The following PLPPR5 variants were observed in gnomAD, a reference collection of about 807,000 sequenced individuals.
PLPPR5 encodes phospholipid phosphatase-related protein type 5.
In PLPPR5, 16 loss-of-function variants were observed where a neutral mutation model predicts 33.9. The observed-to-expected ratio is 0.47, with a 90% CI of 0.32 to 0.72. The LOEUF (loss-of-function observed/expected upper bound fraction) is 0.72. PLPPR5 is among the 30% of genes least tolerant of loss of function. The pLI, the probability that PLPPR5 is intolerant of heterozygous loss-of-function variation, is 0.03. For missense variants in PLPPR5, 301 were observed against 406.7 expected (o/e 0.74, Z 2.23); for synonymous variants, 163 against 150.3 (o/e 1.08, Z -0.62).
chr1:99,003,449 C>G (rs546955448), intron 1 of PLPPR5, among the ~76,000 whole-genome samples: 14 of 151,916 alleles, frequency 9.2e-5, no homozygotes, highest in Non-Finnish European at 1.6e-4. Flanking sequence ...AGAGAGAGCG[C>G]GCATCACAGG....
intron 4 of PLPPR5, among the ~76,000 whole-genome samples, chr1:98,919,176 A>G (rs1226921214): frequency 6.6e-6 from 1 of 152,222 alleles, no homozygotes; most frequent in Non-Finnish European, 1.5e-5. Context: ...TATTTTAGTA[A>G]GAAGCAATAA....
At chr1:98,907,389 G>A (rs1449530977) in intron 5 of PLPPR5, among the ~76,000 whole-genome samples, 4 of 151,508 alleles carry the variant, frequency 2.6e-5, no homozygotes, top group African/African-American at 7.3e-5. Flanking sequence ...TTTAGTAGAG[G>A]CGGGGTTTTG....
intron 3 of PLPPR5, among the ~76,000 whole-genome samples, chr1:98,942,337 C>T (rs1466389230): frequency 1.3e-5 from 2 of 152,270 alleles, no homozygotes; most frequent in East Asian, 1.9e-4. Context: ...GCCACTGCAC[C>T]CGGACTACAG....
chr1:98,953,443 A>C, intron 2 of PLPPR5, 123 bp from the exon 3 acceptor site: 1 of 1,376,270 alleles, frequency 7.3e-7, no homozygotes, highest in Middle Eastern at 2.3e-4. Context: ...AGAAACTATA[A>C]AATATTCCAT....
intron 4 of PLPPR5, among the ~76,000 whole-genome samples, chr1:98,920,606 A>AAAAAAAAAAAAAAAAAAAAAAAAAAAAAC (rs1335389380): frequency 6.7e-6 from 1 of 150,096 alleles, no homozygotes; most frequent in Non-Finnish European, 1.5e-5. Flanking sequence ...AAAAAAAAAA[A>AAAAAAAAAAAAAAAAAAAAAAAAAAAAAC]AAAGCAGCAC....
chr1:99,003,767 C>A (rs1429743049), intron 1 of PLPPR5, among the ~76,000 whole-genome samples: 1 of 152,166 alleles, frequency 6.6e-6, no homozygotes, highest in African/African-American at 2.4e-5. Context: ...GCCCAGGGAG[C>A]GGAGCAGCCT....
intron 5 of PLPPR5, among the ~76,000 whole-genome samples, chr1:98,911,339 A>G (rs1007997439): frequency 3.9e-5 from 6 of 152,230 alleles, no homozygotes; most frequent in Non-Finnish European, 7.3e-5. Context: ...AACAGAGCAC[A>G]TAAATTTGTT....
chr1:98,925,865 T>C (rs912151021), intron 3 of PLPPR5, among the ~76,000 whole-genome samples: 1 of 152,218 alleles, frequency 6.6e-6, no homozygotes, highest in African/African-American at 2.4e-5. Context: ...AATCCTTCTG[T>C]GTGTTCTCAA....
At chr1:98,926,216 T>C (rs541296250) in intron 3 of PLPPR5, among the ~76,000 whole-genome samples, 14 of 152,272 alleles carry the variant, frequency 9.2e-5, no homozygotes, top group Non-Finnish European at 1.5e-4. Flanking sequence ...TCTAGTGCTT[T>C]TGACATCTGT....
chr1:98,970,244 T>C (rs147023875), intron 1 of PLPPR5, among the ~76,000 whole-genome samples: 194 of 152,214 alleles, frequency 1.3e-3, no homozygotes, highest in African/African-American at 4.5e-3. Context: ...AAAAGCATGA[T>C]TGAAACCCAA....
intron 1 of PLPPR5, among the ~76,000 whole-genome samples, chr1:98,990,066 T>C (rs1028809115): frequency 6.6e-6 from 1 of 152,112 alleles, no homozygotes. Context: ...ACAAAGTATA[T>C]AAAATATCAC....
intron 5 of PLPPR5, among the ~76,000 whole-genome samples, chr1:98,901,099 G>A (rs892516235): frequency 4.6e-5 from 7 of 152,096 alleles, no homozygotes; most frequent in Non-Finnish European, 7.4e-5. Context: ...ATTGGCAAAT[G>A]GATAAACAAA....
chr1:98,995,359 T>C (rs555176611), intron 1 of PLPPR5, among the ~76,000 whole-genome samples: 1 of 152,254 alleles, frequency 6.6e-6, no homozygotes, highest in Admixed American at 6.5e-5. Flanking sequence ...ACCTATGGGA[T>C]ATTATTCTTA....
chr1:99,002,954 G>C (rs1321007981), intron 1 of PLPPR5, among the ~76,000 whole-genome samples: 1 of 146,710 alleles, frequency 6.8e-6, no homozygotes, highest in Non-Finnish European at 1.5e-5. Flanking sequence ...CCCAAAAATC[G>C]ACCTTTTTTT....
At chr1:98,917,484 C>T (rs1649400892) in intron 4 of PLPPR5, among the ~76,000 whole-genome samples, 1 of 152,178 alleles carries the variant, frequency 6.6e-6, no homozygotes, top group African/African-American at 2.4e-5. Context: ...CCATTCATGG[C>T]TTGGCTTTCC....
At chr1:98,909,534 AT>A (rs1345343060) in intron 5 of PLPPR5, among the ~76,000 whole-genome samples, 2 of 151,828 alleles carry the variant, frequency 1.3e-5, no homozygotes, top group African/African-American at 4.8e-5. Context: ...AATTATAGTT[AT>A]GATTATTAAG....
intron 5 of PLPPR5, among the ~76,000 whole-genome samples, chr1:98,893,460 A>G (rs887582797): frequency 2.0e-5 from 3 of 151,948 alleles, no homozygotes; most frequent in Non-Finnish European, 4.4e-5. Flanking sequence ...GCTCCCTGAG[A>G]GACAGATGGT....
intron 5 of PLPPR5, 86 bp downstream of exon 5, chr1:98,914,700 T>G: frequency 8.3e-7 from 1 of 1,211,630 alleles, no homozygotes; most frequent in East Asian, 2.5e-5. Flanking sequence ...CAACATAAAC[T>G]GTGTGGACAT....
chr1:99,005,344 C>T (rs1433575521), upstream of PLPPR5, among the ~76,000 whole-genome samples: 1 of 152,290 alleles, frequency 6.6e-6, no homozygotes, highest in East Asian at 1.9e-4. Flanking sequence ...TCAACCGGTG[C>T]GTTCAGCCTG....
Sources: gnomAD v4.1 joint callset for allele counts (sites outside exome capture counted in the v4.1 genomes callset) on GRCh38, gnomAD v4.1.1 for gene constraint, MANE v1.5 for transcripts, NCBI Gene and HGNC (gene_info 2026-07-23, HGNC 2026-07-21) for gene names.